Variants in ZFHX3 observed in about 807,000 individuals in gnomAD.
The protein encoded by ZFHX3 is zinc finger homeobox 3, also known as zinc finger homeobox protein 3.
ZFHX3 carries 42 observed loss-of-function variants against 279.1 expected under a neutral mutation model. That is an observed-to-expected ratio of 0.15 (90% CI 0.12 to 0.19). The LOEUF (loss-of-function observed/expected upper bound fraction) is 0.19. ZFHX3 is among the 10% of genes least tolerant of loss of function. The pLI is 1.00. For missense variants in ZFHX3, 4,981 were observed against 4,754.0 expected (o/e 1.05, Z -1.40); for synonymous variants, 2,293 against 1,957.8 (o/e 1.17, Z -4.52).
At chr16:73,197,047 T>A (rs1333917454) in intron 5 of ZFHX3, among the ~76,000 whole-genome samples, 1 of 151,984 alleles carries the variant, frequency 6.6e-6, no homozygotes, top group Non-Finnish European at 1.5e-5. Flanking sequence ...ATGGAAGGAG[T>A]TATTGCCCAC....
intron 1 of ZFHX3, among the ~76,000 whole-genome samples, chr16:73,873,214 GGGTGGTGGGT>G (rs1254408052): frequency 3.8e-4 from 37 of 98,142 alleles, no homozygotes; most frequent in Non-Finnish European, 6.1e-4. Flanking sequence ...GGGTGGTAGT[GGGTGGTGGGT>G]GGTGGTGGGT....
In ZFHX3 at chr16:73,512,680, C is replaced by T. The variant is rs150838393; in HGVS notation, c.-1546-56422G>A. ...TACCTGGAGCCAGTCTTAGTACCTG[C>T]CTGGGCTAGATCTTAAAAGCTTGGC... On this transcript the variant is annotated intron_variant, in intron 2 of 17. Coordinates refer to the ZFHX3 transcript ENST00000641206. Among the ~76,000 whole-genome samples the T allele has an allele frequency of 4.1e-3, 628 of 152,246 alleles. 2 individuals are homozygous for T. Among genetic ancestry groups the T allele is most frequent in the Non-Finnish European group, 6.7e-3 (457 of 68,000 alleles).
chr16:73,019,883 G>C (rs536500894), intron 1 of ZFHX3, among the ~76,000 whole-genome samples: 11 of 152,320 alleles, frequency 7.2e-5, no homozygotes, highest in African/African-American at 2.6e-4. Flanking sequence ...GAGAGAGCGG[G>C]CTGGCATTCC....
At chr16:73,884,236 CT>C (rs1451786659) in intron 1 of ZFHX3, among the ~76,000 whole-genome samples, 1 of 152,116 alleles carries the variant, frequency 6.6e-6, no homozygotes, top group Non-Finnish European at 1.5e-5. Flanking sequence ...TTTGTACCTA[CT>C]GATCTGAATA....
At chr16:73,293,046 A>G (rs893732023) in intron 4 of ZFHX3, among the ~76,000 whole-genome samples, 5 of 152,182 alleles carry the variant, frequency 3.3e-5, no homozygotes, top group African/African-American at 1.2e-4. Flanking sequence ...ACAAAAGGGA[A>G]GAGACACTGT....
chr16:73,843,514 GA>G (rs1240573425), intron 1 of ZFHX3, among the ~76,000 whole-genome samples: 1 of 152,180 alleles, frequency 6.6e-6, no homozygotes, highest in African/African-American at 2.4e-5. Flanking sequence ...AGAGAATCAA[GA>G]AATTGACATG....
intron 2 of ZFHX3, among the ~76,000 whole-genome samples, chr16:73,458,120 T>C (rs1010510268): frequency 1.3e-5 from 2 of 152,214 alleles, no homozygotes; most frequent in Non-Finnish European, 2.9e-5. Context: ...AACAGAAACA[T>C]CTATCTTTAT....
intron 4 of ZFHX3, among the ~76,000 whole-genome samples, chr16:72,883,701 T>G (rs942934447): frequency 6.6e-6 from 1 of 152,266 alleles, no homozygotes; most frequent in Admixed American, 6.5e-5. Flanking sequence ...TTACAATCCC[T>G]GTCCAAACAG....
chr16:73,857,578 A>G (rs1179913578), intron 1 of ZFHX3, among the ~76,000 whole-genome samples: 1 of 152,184 alleles, frequency 6.6e-6, no homozygotes, highest in South Asian at 2.1e-4. Flanking sequence ...TCTACACTGA[A>G]GTCTCGTGAA....
At chr16:73,509,498 CAG>C in intron 2 of ZFHX3, among the ~76,000 whole-genome samples, 1 of 149,880 alleles carries the variant, frequency 6.7e-6, no homozygotes, top group Admixed American at 6.7e-5. Context: ...TTGGTCCAGA[CAG>C]TTTAGCTTTC....
intron 5 of ZFHX3, among the ~76,000 whole-genome samples, chr16:72,825,342 CCTTATA>C (rs754726341): frequency 1.5e-4 from 23 of 152,202 alleles, no homozygotes; most frequent in Non-Finnish European, 2.8e-4. Flanking sequence ...GACTGCTACT[CCTTATA>C]CTTAGACATA....
chr16:72,944,065 C>G (rs1960547256), intron 3 of ZFHX3, among the ~76,000 whole-genome samples: 1 of 152,118 alleles, frequency 6.6e-6, no homozygotes, highest in Non-Finnish European at 1.5e-5. Context: ...GTGGATCGTG[C>G]TTGAGCCCAG....
intron 1 of ZFHX3, among the ~76,000 whole-genome samples, chr16:72,981,079 A>C (rs1051647436): frequency 2.0e-5 from 3 of 152,118 alleles, no homozygotes; most frequent in African/African-American, 7.2e-5. Context: ...TTTTTCAAAG[A>C]AATGTGGGTT....
rs2035314925 is a variant in ZFHX3, at chr16:72,785,293, G to C, written c.*1871C>G. ...GGAATATGGATATTAACAGAAACAAGTGCCTCACATACAGTTCCTTTTTTG... is the reference window on the plus strand; with the variant it reads ...GGAATATGGATATTAACAGAAACAACTGCCTCACATACAGTTCCTTTTTTG... On this transcript the variant is annotated 3_prime_UTR_variant, in exon 10 of 10. Coordinates refer to ENST00000268489, the MANE Select transcript of ZFHX3 (RefSeq NM_006885.4). 1 of 151,488 alleles carries C rather than the reference G, an allele frequency of 6.6e-6. No homozygotes were observed. Among genetic ancestry groups the C allele is most frequent in the South Asian group, 2.1e-4 (1 of 4,814 alleles). 9.4% of individuals were successfully genotyped at this position (151,488 alleles called of 1,614,324 possible).
intron 3 of ZFHX3, among the ~76,000 whole-genome samples, chr16:72,914,908 T>C (rs988797165): frequency 6.6e-6 from 1 of 152,148 alleles, no homozygotes; most frequent in Non-Finnish European, 1.5e-5. Flanking sequence ...GGAGAATTGC[T>C]TGAATCTGGG....
chr16:73,424,691 C>A (rs984374581), intron 3 of ZFHX3, among the ~76,000 whole-genome samples: 12 of 133,712 alleles, frequency 9.0e-5, no homozygotes, highest in Admixed American at 8.5e-4. Context: ...GAGGTTGAGG[C>A]TGCAGTGAGC....
intron 1 of ZFHX3, among the ~76,000 whole-genome samples, chr16:73,832,743 T>G (rs1195141027): frequency 6.6e-6 from 1 of 152,150 alleles, no homozygotes; most frequent in Admixed American, 6.5e-5. Context: ...TATTCAGTGT[T>G]TTTTTCTTTA....
chr16:73,531,994 G>A (rs1021788934), intron 2 of ZFHX3, among the ~76,000 whole-genome samples: 4 of 150,842 alleles, frequency 2.7e-5, no homozygotes, highest in African/African-American at 9.8e-5. Flanking sequence ...AGGCTGAAGT[G>A]GGAAAATGGC....
Position 73,623,198 on chromosome 16 carries a change from G to A in ZFHX3, c.-1547+56982C>T, listed in dbSNP as rs546216772. On this transcript the variant is annotated intron_variant, in intron 2 of 17. Coordinates refer to the ZFHX3 transcript ENST00000641206. ...ACTACAGGCGCCCGCCACCGCACCCGGCTAATTTTTTGTATTTTTAGTAGA... is the reference window on the plus strand; with the variant it reads ...ACTACAGGCGCCCGCCACCGCACCCAGCTAATTTTTTGTATTTTTAGTAGA... 9.2e-5 allele frequency among the ~76,000 whole-genome samples: 14 copies of A among 152,114 alleles called. No homozygotes were observed. The South Asian group carries it at 2.3e-3, about 25-fold the overall frequency.
Sources: allele counts gnomAD v4.1 joint callset (sites outside exome capture counted in the v4.1 genomes callset), GRCh38; gene constraint gnomAD v4.1.1; transcripts MANE v1.5; gene names NCBI Gene and HGNC (gene_info 2026-07-23, HGNC 2026-07-21).